The following TRIM66 variants were observed in gnomAD, a reference collection of about 807,000 sequenced individuals.
TRIM66 encodes the protein tripartite motif containing 66, also known as tripartite motif-containing protein 66.
A neutral mutation model predicts 148.2 loss-of-function variants in TRIM66; 99 were observed. The observed-to-expected ratio is 0.67, with a 90% confidence interval of 0.57 to 0.79. TRIM66 has a LOEUF of 0.79. Among genes scored for constraint, TRIM66 ranks in the 30% least tolerant of loss-of-function variants. The pLI, the probability that TRIM66 is intolerant of heterozygous loss-of-function variation, is 0.00. For synonymous variants in TRIM66, 616 were observed against 635.9 expected (o/e 0.97, Z 0.47); for missense variants, 1,666 against 1,697.9 (o/e 0.98, Z 0.33).
At chr11:8,671,759 G>T in intron 6 of TRIM66, 27 bp downstream of exon 6, 1 of 1,003,176 alleles carries the variant, frequency 1.0e-6, no homozygotes, top group Non-Finnish European at 1.5e-6. Flanking sequence ...GTAGTGGGAG[G>T]TGAACTTGTG....
intron 15 of TRIM66, among the ~76,000 whole-genome samples, chr11:8,637,406 C>T (rs1333885299): frequency 1.3e-5 from 2 of 151,912 alleles, no homozygotes; most frequent in Non-Finnish European, 2.9e-5. Flanking sequence ...GGCCCAAATA[C>T]AAGAAGTTAA....
chr11:8,656,471 G>GCCT (rs2037840307), intron 6 of TRIM66, among the ~76,000 whole-genome samples: 1 of 152,180 alleles, frequency 6.6e-6, no homozygotes, highest in Admixed American at 6.5e-5. Flanking sequence ...TGGGGCTTCT[G>GCCT]CCTCCAGAAT....
chr11:8,672,186 A>T, intron 5 of TRIM66, 62 bp downstream of exon 5: 1 of 1,533,866 alleles, frequency 6.5e-7, no homozygotes, highest in East Asian at 2.4e-5. Context: ...ACAAGGCCTC[A>T]AAAGTCCAGG....
Position 8,671,772 on chromosome 11 carries a change from GC to G in TRIM66, c.340+13del, listed in dbSNP as rs1212767113. The G allele has an allele frequency of 8.8e-7, 1 of 1,137,354 alleles. No individual in the cohort carries two copies. The highest frequency in any genetic ancestry group is 1.3e-6 in the Non-Finnish European group (1 of 782,732). 70.5% of individuals were successfully genotyped at this position (1,137,354 alleles called of 1,614,324 possible). On this transcript the variant is annotated intron_variant, in intron 6 of 24. Transcript: ENST00000646038. ...ATGTAGTGGGAGGTGAACTTGTGGT[GC>G]CTTTGTACTTACCATCTGCAACAGT...
rs1056729460 is a variant in TRIM66 at position 8,648,482 on chromosome 11, A to T, written c.659T>A (p.Leu220Gln). ...CPLHTQEVLK[L>Q]FCETCDMLTC... ...GAGCATATCACATGTCTCACAGAAT[A>T]GCTTGAGTACTTCCTGTGTGTGTAG... The change falls in exon 9 of 25, where the codon CTA becomes CAA. Residue 220 changes from leucine to glutamine, a missense_variant. Coordinates refer to ENST00000646038, the MANE Select transcript of TRIM66 (RefSeq NM_001388022.1). 4 of 1,551,762 alleles carry T rather than the reference A, an allele frequency of 2.6e-6. No homozygotes were observed. The highest frequency in any genetic ancestry group is 3.5e-6 in the Non-Finnish European group (4 of 1,147,004).
chr11:8,677,590 G>C (rs1042057942), intron 3 of TRIM66, among the ~76,000 whole-genome samples: 3 of 152,006 alleles, frequency 2.0e-5, no homozygotes, highest in Admixed American at 6.6e-5. Context: ...ACCAGCCTGG[G>C]CAACATACAA....
intron 1 of TRIM66, among the ~76,000 whole-genome samples, chr11:8,682,200 G>T (rs2039466422): frequency 6.6e-6 from 1 of 152,244 alleles, no homozygotes; most frequent in East Asian, 1.9e-4. Context: ...GGGCAAAAGA[G>T]AAAGGAAGCT....
rs2033428253 is a variant in TRIM66 at position 8,612,065 on chromosome 11, A to T, written c.*5879T>A. Reference sequence around the variant, plus strand: ...TTGGTAAAGAAAAGTGCTGTTTTTTATTTGTTCTTGAATGTATAGGTTCTT... The same window carrying T: ...TTGGTAAAGAAAAGTGCTGTTTTTTTTTTGTTCTTGAATGTATAGGTTCTT... On this transcript the variant is annotated 3_prime_UTR_variant, in exon 25 of 25. Coordinates refer to ENST00000646038, the MANE Select transcript of TRIM66 (RefSeq NM_001388022.1). 1 of 152,086 alleles carries T rather than the reference A, an allele frequency of 6.6e-6. No homozygotes were observed. The highest frequency in any genetic ancestry group is 2.4e-5 in the African/African-American group (1 of 41,406). The allele number at this position is 152,086 out of a possible 1,614,324, so 9.4% of individuals were successfully genotyped here. A position where few individuals can be genotyped will look rare whatever the true frequency, so the allele number is the denominator to read the frequency against.
Position 8,646,450 on chromosome 11 carries a change from T to TA in TRIM66, c.953dup (p.Leu318PhefsTer6). 6.4e-7 allele frequency: 1 copy of TA among 1,552,060 alleles called. No individual in the cohort carries two copies. Among genetic ancestry groups the TA allele is most frequent in the African/African-American group, 1.4e-5 (1 of 73,178 alleles). ...TGATCCATCTGTCTATACATACCTC[T>TA]AATTCCTCTATTAGCCCATTGGCCT... On this transcript the variant is annotated frameshift_variant, in exon 11 of 25. Transcript: ENST00000646038. LOFTEE classifies it high-confidence loss of function.
At chr11:8,672,530 G>T (rs919364518) in intron 4 of TRIM66, 145 bp from the exon 5 acceptor site, 5 of 861,692 alleles carry the variant, frequency 5.8e-6, no homozygotes, top group Non-Finnish European at 8.3e-6. Flanking sequence ...AACAGTGTTA[G>T]AGAGGCTGGG....
Position 8,621,015 on chromosome 11 carries a change from G to A in TRIM66, c.3545+17C>T. On this transcript the variant is annotated intron_variant, in intron 20 of 24. Coordinates refer to ENST00000646038, the MANE Select transcript of TRIM66 (RefSeq NM_001388022.1). ...ACCCTACTAGCCAGGTGATGGTCCT[G>A]GACTGGCATGACTCACCCTGGGAAG... 6.5e-7 allele frequency: 1 copy of A among 1,549,168 alleles called. No homozygotes were observed. The highest frequency in any genetic ancestry group is 8.7e-7 in the Non-Finnish European group (1 of 1,145,570).
At chr11:8,636,232 C>T (rs2035867694) in intron 15 of TRIM66, among the ~76,000 whole-genome samples, 1 of 152,022 alleles carries the variant, frequency 6.6e-6, no homozygotes, top group Non-Finnish European at 1.5e-5. Context: ...CCCAACCAAT[C>T]AGCAGCAAGC....
intron 15 of TRIM66, among the ~76,000 whole-genome samples, chr11:8,631,793 C>T (rs1358162960): frequency 1.3e-5 from 2 of 152,124 alleles, no homozygotes; most frequent in Admixed American, 6.5e-5. Context: ...GGCTAGATAC[C>T]CACATATGAG....
At position 8,618,760 on chromosome 11, in the gene TRIM66, C is replaced by T. The variant is rs749951384; in HGVS notation, c.4109G>A (p.Arg1370Gln). ...GCAGTAACTCTTTACCATATGTCGT[C>T]GCCGCCTCTTGGGTTGGATGCCCTC... is the stretch of plus-strand genomic sequence containing the variant. ...MQEGIQPKRR[R>Q]RHMENERAKR... Residue 1370 changes from arginine to glutamine, a missense_variant, in exon 24 of 25, where the codon CGA (arginine) becomes CAA (glutamine). Transcript: ENST00000646038. 1.3e-6 allele frequency: 2 copies of T among 1,550,112 alleles called. No homozygotes were observed. The highest frequency in any genetic ancestry group is 8.7e-7 in the Non-Finnish European group (1 of 1,146,790).
intron 19 of TRIM66, 31 bp from the exon 20 acceptor site, chr11:8,621,352 A>G: frequency 6.5e-7 from 1 of 1,535,696 alleles, no homozygotes; most frequent in Middle Eastern, 1.8e-4. Flanking sequence ...GGGCAGCCAG[A>G]GCACAGAACC....
chr11:8,681,676 A>C (rs1029738914), intron 1 of TRIM66, among the ~76,000 whole-genome samples: 3 of 152,124 alleles, frequency 2.0e-5, no homozygotes, highest in African/African-American at 7.2e-5. Context: ...CAGGGAGGTG[A>C]GGGTAAGTTC....
chr11:8,658,934 A>C, intron 6 of TRIM66: 3 of 393,238 alleles, frequency 7.6e-6, no homozygotes, highest in Non-Finnish European at 1.0e-5. Context: ...TCACAAGCAG[A>C]GGATTAGGAC....
intron 13 of TRIM66, 70 bp downstream of exon 13, chr11:8,642,939 C>T: frequency 9.4e-7 from 1 of 1,059,974 alleles, no homozygotes; most frequent in Non-Finnish European, 1.3e-6. Context: ...TGCTGACCTA[C>T]CCAGTAAGGT....
intron 20 of TRIM66, 75 bp downstream of exon 20, chr11:8,620,957 G>T: frequency 6.7e-7 from 1 of 1,490,276 alleles, no homozygotes; most frequent in Non-Finnish European, 9.0e-7. Context: ...GAGCTCTGTG[G>T]GCCTGGCCTG....
Sources: gnomAD v4.1 joint callset for allele counts (sites outside exome capture counted in the v4.1 genomes callset) on GRCh38, gnomAD v4.1.1 for gene constraint, MANE v1.5 for transcripts, NCBI Gene and HGNC (gene_info 2026-07-23, HGNC 2026-07-21) for gene names.